PKNOX2: variants seen among roughly 807,000 people sequenced by gnomAD.
PKNOX2 encodes PBX/knotted 1 homeobox 2, also known as homeobox protein PKNOX2.
Under a neutral mutation model 53.1 loss-of-function variants are expected in PKNOX2, and 14 were observed. The observed-to-expected ratio is 0.26, with a 90% CI of 0.17 to 0.41. The LOEUF (loss-of-function observed/expected upper bound fraction) is 0.41, where lower values mean the gene tolerates loss of function less well. PKNOX2 is among the 10% of genes least tolerant of loss of function. The pLI, the probability that PKNOX2 is intolerant of heterozygous loss-of-function variation, is 1.00. For synonymous variants in PKNOX2, 257 were observed against 242.8 expected, an observed-to-expected ratio of 1.06 and a Z score of -0.54; for missense variants, 496 against 602.8, an observed-to-expected ratio of 0.82 and a Z score of 1.85.
intron 1 of PKNOX2, among the ~76,000 whole-genome samples, chr11:125,202,358 G>T (rs1938550799): frequency 6.6e-6 from 1 of 152,208 alleles, no homozygotes; most frequent in Non-Finnish European, 1.5e-5. Context: ...CTGGGGGAAT[G>T]TTAATGCTGA....
intron 1 of PKNOX2, among the ~76,000 whole-genome samples, chr11:125,187,618 A>G (rs113537374): frequency 0.013 from 2,051 of 152,142 alleles, 42 homozygotes; most frequent in African/African-American, 0.046. Context: ...ATCTATGAGT[A>G]GAAACAGTTT....
chr11:125,417,861 T>TCCACCACCCCATCTTCCATTCAGCCAC (rs1955973925), intron 10 of PKNOX2, among the ~76,000 whole-genome samples: 1 of 151,964 alleles, frequency 6.6e-6, no homozygotes, highest in Admixed American at 6.5e-5. Flanking sequence ...CACTCTGCCA[T>TCCACCACCCCATCTTCCATTCAGCCAC]CCACCACCCC....
chr11:125,175,776 AACT>A (rs1440375992), intron 1 of PKNOX2, among the ~76,000 whole-genome samples: 2 of 152,166 alleles, frequency 1.3e-5, no homozygotes, highest in Non-Finnish European at 2.9e-5. Flanking sequence ...CCCATCAGTC[AACT>A]GGTGGCAATA....
chr11:125,231,169 C>A (rs1207447583), intron 1 of PKNOX2, among the ~76,000 whole-genome samples: 1 of 152,162 alleles, frequency 6.6e-6, no homozygotes, highest in Non-Finnish European at 1.5e-5. Context: ...GTCTGGCTGA[C>A]CCCCCGGTCT....
chr11:125,233,059 C>T (rs1942366556), intron 1 of PKNOX2, among the ~76,000 whole-genome samples: 1 of 151,818 alleles, frequency 6.6e-6, no homozygotes, highest in African/African-American at 2.4e-5. Context: ...TCTTCATTTT[C>T]AAAATTATTT....
Position 125,384,475 on chromosome 11 carries a change from G to A in PKNOX2, c.228-1076G>A, listed in dbSNP as rs565746102. Among the ~76,000 whole-genome samples the A allele has an allele frequency of 3.6e-3, 548 of 152,276 alleles. 6 individuals carry two copies. The highest frequency in any genetic ancestry group is 0.013 in the African/African-American group (525 of 41,556). ...CTGAGACGGGCGGATCACGAGGTCA[G>A]GAGATCGAGACCATCCTGGCTAACA... On this transcript the variant is annotated intron_variant, in intron 5 of 12. Transcript: ENST00000298282.
chr11:125,328,239 G>A lies in PKNOX2; in HGVS notation c.-129-3580G>A, dbSNP rs1398456612. Among the ~76,000 whole-genome samples the A allele has an allele frequency of 3.3e-5, 5 of 152,318 alleles. No individual in the cohort carries two copies. The South Asian group carries it at 6.2e-4, about 19-fold the overall frequency. On this transcript the variant is annotated intron_variant, in intron 2 of 12. Coordinates refer to ENST00000298282, the MANE Select transcript of PKNOX2 (RefSeq NM_001382323.2). The stretch of plus-strand genomic sequence containing the variant: ...GGGATCTGGAGGCTGACAGTCAGAA[G>A]CAGCATCACACACACATTGTAGGTG...
At chr11:125,409,102 A>G (rs185386870) in intron 7 of PKNOX2, among the ~76,000 whole-genome samples, 1,772 of 152,310 alleles carry the variant, frequency 0.012, 26 homozygotes, top group Non-Finnish European at 0.019. Context: ...AGACTCAGGC[A>G]GGCCTCCTGA....
intron 2 of PKNOX2, among the ~76,000 whole-genome samples, chr11:125,310,198 C>A (rs1948717853): frequency 6.6e-6 from 1 of 151,940 alleles, no homozygotes; most frequent in South Asian, 2.1e-4. Flanking sequence ...TTCTTTCTTT[C>A]ATAAATAATA....
At chr11:125,313,997 G>T (rs758770691) in intron 2 of PKNOX2, among the ~76,000 whole-genome samples, 8 of 152,222 alleles carry the variant, frequency 5.3e-5, no homozygotes, top group Non-Finnish European at 8.8e-5. Context: ...AGGCACACAA[G>T]TGACCCCCAG....
Position 125,431,407 on chromosome 11 carries a change from T to C in PKNOX2, c.*15T>C, listed in dbSNP as rs768886767. The C allele has an allele frequency of 1.1e-5, 15 of 1,357,850 alleles. No individual in the cohort carries two copies. Among genetic ancestry groups the C allele is most frequent in the East Asian group, 4.4e-5 (1 of 22,850 alleles). 84.1% of individuals were successfully genotyped at this position (1,357,850 alleles called of 1,614,324 possible). On this transcript the variant is annotated 3_prime_UTR_variant, in exon 13 of 13. Coordinates refer to ENST00000298282, the MANE Select transcript of PKNOX2 (RefSeq NM_001382323.2). ...CCCTGGAGTAGTCGGGCAGCCCAGATGGCACTGATCACTGAGCAGGAGAGG... is the reference window on the plus strand; with the variant it reads ...CCCTGGAGTAGTCGGGCAGCCCAGACGGCACTGATCACTGAGCAGGAGAGG...
intron 2 of PKNOX2, among the ~76,000 whole-genome samples, chr11:125,268,032 A>G (rs551180582): frequency 2.0e-4 from 30 of 152,350 alleles, no homozygotes; most frequent in African/African-American, 6.5e-4. Context: ...GGGCTTTGAG[A>G]AAACTTTGCC....
In PKNOX2 at chr11:125,393,384, G is replaced by C. The variant is rs76229472; in HGVS notation, c.400-4490G>C. Among the ~76,000 whole-genome samples the C allele has an allele frequency of 4.6e-3, 703 of 152,262 alleles. 10 individuals are homozygous for C. The highest frequency in any genetic ancestry group is 0.014 in the African/African-American group (600 of 41,534). Reference sequence around the variant, plus strand: ...GGGAGAGATTTTGATTGAATATAAGGAAAAGCTTCTAATCAGCAGACTGAG... The same window carrying C: ...GGGAGAGATTTTGATTGAATATAAGCAAAAGCTTCTAATCAGCAGACTGAG... On this transcript the variant is annotated intron_variant, in intron 6 of 12. Transcript: ENST00000298282.
chr11:125,367,745 C>T (rs1023525188), intron 4 of PKNOX2, 101 bp from the exon 5 acceptor site: 8 of 1,316,512 alleles, frequency 6.1e-6, no homozygotes, highest in Non-Finnish European at 7.2e-6. Flanking sequence ...CTCTTGCTCT[C>T]CTCCGGGCAC....
intron 8 of PKNOX2, 115 bp from the exon 9 acceptor site, chr11:125,410,664 A>G: frequency 1.3e-6 from 1 of 788,604 alleles, no homozygotes; most frequent in Non-Finnish European, 2.1e-6. Flanking sequence ...TCGCTACCCA[A>G]GGGCTCCAAG....
chr11:125,317,152 A>G (rs986560822), intron 2 of PKNOX2, among the ~76,000 whole-genome samples: 17 of 152,204 alleles, frequency 1.1e-4, no homozygotes, highest in Admixed American at 3.3e-4. Context: ...CAGTTCAGTC[A>G]CATCTTCAGG....
At chr11:125,314,578 G>A (rs79277480) in intron 2 of PKNOX2, among the ~76,000 whole-genome samples, 4,416 of 152,204 alleles carry the variant, frequency 0.029, 158 homozygotes, top group East Asian at 0.17. Context: ...AGTGGGGAGG[G>A]GACAAGGCTT....
chr11:125,211,462 G>T (rs1228677188), intron 1 of PKNOX2, among the ~76,000 whole-genome samples: 1 of 152,114 alleles, frequency 6.6e-6, no homozygotes, highest in African/African-American at 2.4e-5. Flanking sequence ...CCTGGTTGGA[G>T]ACATATAATA....
intron 2 of PKNOX2, among the ~76,000 whole-genome samples, chr11:125,273,312 A>C (rs1945939691): frequency 6.6e-6 from 1 of 152,220 alleles, no homozygotes. Flanking sequence ...CTTCTGAGCA[A>C]ACAGCTGAAA....
Sources: gnomAD v4.1 joint callset for allele counts (sites outside exome capture counted in the v4.1 genomes callset) on GRCh38, gnomAD v4.1.1 for gene constraint, MANE v1.5 for transcripts, NCBI Gene and HGNC (gene_info 2026-07-23, HGNC 2026-07-21) for gene names.